The following TUSC3 variants were observed in gnomAD, a reference collection of about 807,000 sequenced individuals.
TUSC3 encodes tumor suppressor candidate 3, also known as dolichyl-diphosphooligosaccharide--protein glycosyltransferase subunit TUSC3.
Under a neutral mutation model 44.8 loss-of-function variants are expected in TUSC3, and 45 were observed. The ratio of observed to expected loss-of-function variants is 1.00; its 90% CI spans 0.79 to 1.29. TUSC3 has a LOEUF of 1.29. Ranked by LOEUF, TUSC3 falls within the 50% of genes most tolerant of loss-of-function variation. The pLI is 0.00. For synonymous variants in TUSC3, 212 were observed against 152.9 expected (o/e 1.39, Z -2.85); for missense variants, 519 against 437.9 (o/e 1.19, Z -1.65).
chr8:15,573,168 T>TTTCTCTCTCTCTCTC (rs1802945786), intron 1 of TUSC3, among the ~76,000 whole-genome samples: 1 of 85,586 alleles, frequency 1.2e-5, no homozygotes, highest in African/African-American at 5.0e-5. Flanking sequence ...TTCTCTCTCT[T>TTTCTCTCTCTCTCTC]TCTCTCTCTC....
the TUSC3 span, among the ~76,000 whole-genome samples, chr8:15,841,751 C>T: frequency 1.3e-5 from 2 of 152,100 alleles, no homozygotes; most frequent in Non-Finnish European, 2.9e-5. Flanking sequence ...TGACCTCAGG[C>T]GATTTGACCG....
chr8:15,495,926 G>T (rs527241228), intron 2 of TUSC3, among the ~76,000 whole-genome samples: 1 of 152,058 alleles, frequency 6.6e-6, no homozygotes, highest in African/African-American at 2.4e-5. Context: ...ATTTAAATTT[G>T]CAGGCCCCTA....
At chr8:15,472,119 G>T (rs960965831) in intron 1 of TUSC3, among the ~76,000 whole-genome samples, 2 of 152,168 alleles carry the variant, frequency 1.3e-5, no homozygotes, top group African/African-American at 4.8e-5. Context: ...GGTATATTTT[G>T]TAATGGGAAT....
intron 1 of TUSC3, among the ~76,000 whole-genome samples, chr8:15,470,258 CAA>C (rs75794739): frequency 8.4e-4 from 85 of 101,684 alleles, no homozygotes; most frequent in South Asian, 1.7e-3. Flanking sequence ...GACCCTGTCT[CAA>C]AAAAAAAAAA....
chr8:15,800,929 A>G, the TUSC3 span, among the ~76,000 whole-genome samples: 4 of 152,160 alleles, frequency 2.6e-5, no homozygotes, highest in African/African-American at 9.7e-5. Flanking sequence ...TGGTCACTTA[A>G]TCATCTATAC....
chr8:15,451,569 T>C (rs532448621), intron 1 of TUSC3, among the ~76,000 whole-genome samples: 6 of 152,120 alleles, frequency 3.9e-5, no homozygotes, highest in Non-Finnish European at 7.4e-5. Flanking sequence ...GCATAGAAGC[T>C]CCACACCCCT....
chr8:15,614,637 T>C (rs552083675), intron 1 of TUSC3, among the ~76,000 whole-genome samples: 1 of 152,158 alleles, frequency 6.6e-6, no homozygotes, highest in East Asian at 1.9e-4. Flanking sequence ...TCTTTTTATT[T>C]CCTAGCAGTA....
the TUSC3 span, among the ~76,000 whole-genome samples, chr8:15,774,920 C>A: frequency 1.8e-4 from 27 of 152,162 alleles, no homozygotes; most frequent in Admixed American, 3.3e-4. Flanking sequence ...ATTAGTAGTT[C>A]TTTAATGAAT....
At chr8:15,423,379 C>G (rs893682941) in intron 1 of TUSC3, among the ~76,000 whole-genome samples, 3 of 152,258 alleles carry the variant, frequency 2.0e-5, no homozygotes, top group East Asian at 1.9e-4. Flanking sequence ...CAAGGTCAAC[C>G]TTACTTTTCG....
chr8:15,782,530 A>G, the TUSC3 span, among the ~76,000 whole-genome samples: 25 of 152,308 alleles, frequency 1.6e-4, no homozygotes, highest in African/African-American at 5.8e-4. Context: ...ATTAAACATT[A>G]TTCACCATCA....
the TUSC3 span, among the ~76,000 whole-genome samples, chr8:15,784,781 A>C: frequency 6.6e-6 from 1 of 152,148 alleles, no homozygotes; most frequent in South Asian, 2.1e-4. Context: ...CAAAGGAGAG[A>C]TGATAGTCAA....
intron 2 of TUSC3, among the ~76,000 whole-genome samples, chr8:15,511,044 C>A (rs927145162): frequency 1.3e-5 from 2 of 152,054 alleles, no homozygotes; most frequent in Admixed American, 6.6e-5. Context: ...AAACATTTGG[C>A]AAGCTAGGAA....
intron 6 of TUSC3, among the ~76,000 whole-genome samples, chr8:15,711,141 T>A (rs1404650464): frequency 6.6e-6 from 1 of 151,652 alleles, no homozygotes; most frequent in Non-Finnish European, 1.5e-5. Context: ...TCTTGTCCTC[T>A]CCTCTCACTA....
chr8:15,448,478 A>G (rs1171452355), intron 1 of TUSC3, among the ~76,000 whole-genome samples: 1 of 152,164 alleles, frequency 6.6e-6, no homozygotes, highest in African/African-American at 2.4e-5. Context: ...ACTTTTGGAG[A>G]TTTTACCCTT....
In TUSC3 at chr8:15,470,699, C is replaced by T. The variant is rs537030356; in HGVS notation, n.92-12687C>T. On this transcript the variant is annotated intron_variant and non_coding_transcript_variant, in intron 1 of 5. Coordinates refer to the TUSC3 transcript ENST00000503191. ...CATTAAAACAGATGAGAAAAACAAT[C>T]CCTTCCTGCCAAAGCCACTGTCTCA... 2.3e-4 allele frequency among the ~76,000 whole-genome samples: 35 copies of T among 152,240 alleles called. 1 individual carries two copies. The highest frequency in any genetic ancestry group is 1.7e-3 in the Admixed American group (26 of 15,290).
chr8:15,835,533 T>G, the TUSC3 span, among the ~76,000 whole-genome samples: 1 of 152,172 alleles, frequency 6.6e-6, no homozygotes, highest in African/African-American at 2.4e-5. Context: ...TCTTTGAAGA[T>G]TATAACTTTT....
intron 6 of TUSC3, among the ~76,000 whole-genome samples, chr8:15,694,392 C>T (rs62502158): frequency 5.7e-5 from 8 of 141,446 alleles, no homozygotes; most frequent in South Asian, 2.2e-4. Flanking sequence ...GCCGAGATCA[C>T]GCCATTGCAC....
At chr8:15,826,305 C>A in the TUSC3 span, among the ~76,000 whole-genome samples, 2 of 152,126 alleles carry the variant, frequency 1.3e-5, no homozygotes, top group Non-Finnish European at 2.9e-5. Flanking sequence ...TGCCACACCT[C>A]AACTATAATC....
intron 6 of TUSC3, among the ~76,000 whole-genome samples, chr8:15,704,955 A>AT (rs1809558578): frequency 6.6e-6 from 1 of 152,018 alleles, no homozygotes; most frequent in Non-Finnish European, 1.5e-5. Flanking sequence ...TTAAAAAAAA[A>AT]AAAATAGTCC....
Sources: gnomAD v4.1 joint callset for allele counts (sites outside exome capture counted in the v4.1 genomes callset) on GRCh38, gnomAD v4.1.1 for gene constraint, MANE v1.5 for transcripts, NCBI Gene and HGNC (gene_info 2026-07-23, HGNC 2026-07-21) for gene names.